The following FAM53A variants were observed in gnomAD, a reference collection of about 807,000 sequenced individuals.
The protein encoded by FAM53A is protein FAM53A.
In FAM53A, 28 loss-of-function variants were observed where a neutral mutation model predicts 26.6. The observed-to-expected ratio is 1.05, with a 90% CI of 0.78 to 1.45. The LOEUF (loss-of-function observed/expected upper bound fraction) is 1.45. FAM53A is among the 40% of genes most tolerant of loss of function. The probability of loss-of-function intolerance (pLI) is 0.00; values close to 1 mark genes in which losing one functional copy is unlikely to be tolerated. For synonymous variants in FAM53A, 290 were observed against 253.1 expected (o/e 1.15, Z -1.38); for missense variants, 650 against 575.8 (o/e 1.13, Z -1.32).
At chr4:1,672,711 G>C (rs1196355325) in intron 1 of FAM53A, among the ~76,000 whole-genome samples, 1 of 149,290 alleles carries the variant, frequency 6.7e-6, no homozygotes, top group African/African-American at 2.5e-5. Context: ...AACACCCCGA[G>C]AGCCTCCTGT....
chr4:1,644,905 C>A (rs1368666808), intron 4 of FAM53A: 1 of 152,954 alleles, frequency 6.5e-6, no homozygotes, highest in Non-Finnish European at 1.5e-5. Flanking sequence ...CGTCCAGGGC[C>A]CTGTCTCAGC....
intron 1 of FAM53A, among the ~76,000 whole-genome samples, chr4:1,673,217 T>A (rs556020817): frequency 3.3e-5 from 5 of 152,248 alleles, no homozygotes; most frequent in Non-Finnish European, 7.4e-5. Context: ...GGGGTCCCAA[T>A]GCAGCACGTG....
intron 1 of FAM53A, among the ~76,000 whole-genome samples, chr4:1,670,156 A>G (rs868226871): frequency 4.0e-5 from 6 of 151,664 alleles, no homozygotes; most frequent in African/African-American, 1.4e-4. Flanking sequence ...AGTTCACTAC[A>G]CCTGCCAGTA....
At chr4:1,602,300 G>A in the FAM53A span, among the ~76,000 whole-genome samples, 1 of 152,242 alleles carries the variant, frequency 6.6e-6, no homozygotes, top group African/African-American at 2.4e-5. Flanking sequence ...CTGTTTAGGT[G>A]GCTGCAGGGG....
At chr4:1,638,509 C>T (rs1268668958), downstream of FAM53A, among the ~76,000 whole-genome samples, 1 of 152,090 alleles carries the variant, frequency 6.6e-6, no homozygotes, top group Non-Finnish European at 1.5e-5. Flanking sequence ...CAGCCCCACT[C>T]ACCAGCCAGC....
At chr4:1,666,887 T>C (rs1037336243) in intron 2 of FAM53A, among the ~76,000 whole-genome samples, 1 of 151,932 alleles carries the variant, frequency 6.6e-6, no homozygotes, top group Non-Finnish European at 1.5e-5. Flanking sequence ...CCCAGGACTT[T>C]GGGAGGCCGA....
At chr4:1,604,741 T>C in the FAM53A span, among the ~76,000 whole-genome samples, 1 of 152,032 alleles carries the variant, frequency 6.6e-6, no homozygotes, top group African/African-American at 2.4e-5. Flanking sequence ...CGCCTCCTCC[T>C]GCTTCCCCAG....
upstream of FAM53A, among the ~76,000 whole-genome samples, chr4:1,685,021 C>G (rs949561195): frequency 4.6e-5 from 7 of 152,110 alleles, no homozygotes; most frequent in African/African-American, 1.7e-4. Flanking sequence ...CTCTCGGGGT[C>G]TCCAGCAAAT....
the FAM53A span, among the ~76,000 whole-genome samples, chr4:1,595,462 C>G: frequency 6.6e-6 from 1 of 152,214 alleles, no homozygotes; most frequent in Non-Finnish European, 1.5e-5. Context: ...CTGCCCCACC[C>G]CTAGGCTTGG....
chr4:1,634,382 C>T (rs1056200539), intron 1 of FAM53A, among the ~76,000 whole-genome samples: 1 of 152,168 alleles, frequency 6.6e-6, no homozygotes, highest in African/African-American at 2.4e-5. Flanking sequence ...AGGGAAGGGG[C>T]AGAGTCAGCC....
At chr4:1,580,510 CACCCGCCTCCCGCCCGGA>C in the FAM53A span, among the ~76,000 whole-genome samples, 1 of 151,346 alleles carries the variant, frequency 6.6e-6, no homozygotes, top group African/African-American at 2.4e-5. Context: ...CCCCAGACCC[CACCCGCCTCCCGCCCGGA>C]CCCCGCCTCC....
the FAM53A span, among the ~76,000 whole-genome samples, chr4:1,583,423 C>A: frequency 5.3e-5 from 8 of 152,336 alleles, no homozygotes; most frequent in Middle Eastern, 3.4e-3. Flanking sequence ...CTCGTGTCTC[C>A]CTTGGGGAAC....
chr4:1,615,536 A>T (rs1308946844), downstream of FAM53A, among the ~76,000 whole-genome samples: 9 of 136,478 alleles, frequency 6.6e-5, no homozygotes, highest in South Asian at 1.5e-3. Context: ...CGCCCATCCC[A>T]CCTGGGCACA....
chr4:1,576,757 G>A, the FAM53A span, among the ~76,000 whole-genome samples: 233 of 152,352 alleles, frequency 1.5e-3, no homozygotes, highest in Middle Eastern at 3.4e-3. Flanking sequence ...AGAGGTGCCC[G>A]GCACCATGCT....
At chr4:1,620,549 C>T (rs1391657218) in intron 1 of FAM53A, among the ~76,000 whole-genome samples, 2 of 151,602 alleles carry the variant, frequency 1.3e-5, no homozygotes, top group African/African-American at 2.4e-5. Flanking sequence ...AAAGCACCAC[C>T]ACATAGGACG....
At chr4:1,660,659 C>T (rs577248168) in intron 2 of FAM53A, among the ~76,000 whole-genome samples, 1 of 152,258 alleles carries the variant, frequency 6.6e-6, no homozygotes, top group Non-Finnish European at 1.5e-5. Flanking sequence ...GAGGCCGACA[C>T]AGGCAGGTGA....
the FAM53A span, among the ~76,000 whole-genome samples, chr4:1,592,150 G>A: frequency 2.7e-3 from 405 of 152,214 alleles, no homozygotes; most frequent in African/African-American, 9.4e-3. Flanking sequence ...GCTCTCTGAG[G>A]AAGATAAACT....
At chr4:1,652,472 C>T (rs1046190154) in intron 4 of FAM53A, among the ~76,000 whole-genome samples, 8 of 147,598 alleles carry the variant, frequency 5.4e-5, no homozygotes, top group African/African-American at 2.0e-4. Flanking sequence ...ACACGACACA[C>T]ATCACACATA....
rs907716645 is a variant in FAM53A at position 1,681,610 on chromosome 4, C to A, written c.-165+2623G>T. Among the ~76,000 whole-genome samples the A allele has an allele frequency of 3.3e-5, 5 of 151,692 alleles. 1 individual carries two copies. The highest frequency in any genetic ancestry group is 2.0e-4 in the Admixed American group (3 of 15,236). On this transcript the variant is annotated intron_variant, in intron 1 of 4. Transcript: ENST00000308132. Reference sequence around the variant, plus strand: ...CTCCCTGGCTGAAGCAATCCTCCCACCTCAGCCTCCCAAGTAGCCAGGACT... The same window carrying A: ...CTCCCTGGCTGAAGCAATCCTCCCAACTCAGCCTCCCAAGTAGCCAGGACT...
Sources: gnomAD v4.1 joint callset for allele counts (sites outside exome capture counted in the v4.1 genomes callset) on GRCh38, gnomAD v4.1.1 for gene constraint, MANE v1.5 for transcripts, NCBI Gene and HGNC (gene_info 2026-07-23, HGNC 2026-07-21) for gene names.